YES1: variants seen among roughly 807,000 people sequenced by gnomAD.
The protein encoded by YES1 is tyrosine-protein kinase Yes.
A neutral mutation model predicts 70.4 loss-of-function variants in YES1; 39 were observed. The observed-to-expected ratio is 0.55, with a 90% CI of 0.43 to 0.72. YES1 has a LOEUF of 0.72. Ranked by LOEUF, YES1 falls within the 30% of genes least tolerant of loss-of-function variation. The probability of loss-of-function intolerance (pLI) is 0.00; values close to 1 mark genes in which losing one functional copy is unlikely to be tolerated. For missense variants in YES1, 495 were observed against 644.8 expected (o/e 0.77, Z 2.52); for synonymous variants, 198 against 218.6 (o/e 0.91, Z 0.83).
rs370733020 is a variant in YES1, at chr18:724,411, T to C, written c.*13A>G. On this transcript the variant is annotated 3_prime_UTR_variant, in exon 12 of 12. Coordinates refer to ENST00000314574, the MANE Select transcript of YES1 (RefSeq NM_005433.4). ...TTTTGGCAGATTTGTGCATATAAAA[T>C]AGGCTACTTGAATTATAAATTTTCT... 6.2e-6 allele frequency: 10 copies of C among 1,610,596 alleles called. No individual in the cohort carries two copies. In the South Asian group the frequency reaches 1.1e-4, roughly 18 times the overall value.
intron 1 of YES1, among the ~76,000 whole-genome samples, chr18:785,501 A>G (rs1424052007): frequency 1.3e-5 from 2 of 152,156 alleles, no homozygotes; most frequent in Non-Finnish European, 2.9e-5. Context: ...GCACTATAAA[A>G]GGTCTGAATT....
chr18:765,132 G>A (rs939362131), intron 1 of YES1, among the ~76,000 whole-genome samples: 12 of 150,832 alleles, frequency 8.0e-5, no homozygotes, highest in African/African-American at 2.4e-4. Flanking sequence ...CTACATACAA[G>A]CATAAGACAG....
rs115670803 is a variant in YES1 at position 774,106 on chromosome 18, C to T, written c.-8-17271G>A. On this transcript the variant is annotated intron_variant, in intron 1 of 11. Transcript: ENST00000314574. ...TTGGCCTCCCAAAGTGCTGGGATTACGGGCTTAAGCCACGGCGCCTGGCCT... is the reference window on the plus strand; with the variant it reads ...TTGGCCTCCCAAAGTGCTGGGATTATGGGCTTAAGCCACGGCGCCTGGCCT... 7.9e-3 allele frequency among the ~76,000 whole-genome samples: 1,204 copies of T among 152,292 alleles called. 15 individuals are homozygous for T. Among genetic ancestry groups the T allele is most frequent in the African/African-American group, 0.028 (1,147 of 41,552 alleles).
intron 1 of YES1, among the ~76,000 whole-genome samples, chr18:792,577 G>A (rs1288399207): frequency 6.6e-6 from 1 of 151,460 alleles, no homozygotes; most frequent in Non-Finnish European, 1.5e-5. Context: ...GTGTGTGTGT[G>A]TGTGTGTGTA....
chr18:740,936 C>T (rs1353442510), intron 8 of YES1, among the ~76,000 whole-genome samples: 1 of 152,138 alleles, frequency 6.6e-6, no homozygotes, highest in African/African-American at 2.4e-5. Context: ...CTCACTCAGT[C>T]ACCCAGGCTG....
chr18:755,415 A>AT (rs1194374642), intron 2 of YES1, among the ~76,000 whole-genome samples: 2 of 151,546 alleles, frequency 1.3e-5, no homozygotes, highest in South Asian at 2.1e-4. Flanking sequence ...CACCTGGCTA[A>AT]TTTTTTTTGT....
intron 1 of YES1, among the ~76,000 whole-genome samples, chr18:802,829 T>C (rs192383882): frequency 6.6e-6 from 1 of 152,060 alleles, no homozygotes; most frequent in Admixed American, 6.6e-5. Context: ...ACACCTATAA[T>C]CCTAGCACTT....
chr18:726,364 G>A (rs1203430690), intron 11 of YES1, among the ~76,000 whole-genome samples: 1 of 151,970 alleles, frequency 6.6e-6, no homozygotes, highest in Non-Finnish European at 1.5e-5. Context: ...GGTGGAGGTT[G>A]CAGTGAGCTG....
chr18:777,725 C>G (rs1905452150), intron 1 of YES1, among the ~76,000 whole-genome samples: 2 of 150,940 alleles, frequency 1.3e-5, no homozygotes, highest in African/African-American at 2.4e-5. Context: ...GAGCATTGCT[C>G]TAACCCAGGA....
chr18:765,025 C>G (rs773774276), intron 1 of YES1, among the ~76,000 whole-genome samples: 2 of 151,732 alleles, frequency 1.3e-5, no homozygotes, highest in Non-Finnish European at 2.9e-5. Context: ...TGAGCCACCT[C>G]GCCCGGCTTA....
intron 1 of YES1, among the ~76,000 whole-genome samples, chr18:784,344 A>G (rs1598933573): frequency 6.6e-6 from 1 of 152,232 alleles, no homozygotes; most frequent in Non-Finnish European, 1.5e-5. Context: ...TCTGTTTTAC[A>G]GATGAGGAAA....
chr18:733,080 T>C lies in YES1; in HGVS notation c.1292-115A>G, dbSNP rs183552542. 7.6e-4 allele frequency: 735 copies of C among 964,198 alleles called. 1 individual carries two copies. The highest frequency in any genetic ancestry group is 1.2e-3 in the South Asian group (74 of 61,954). 59.7% of individuals were successfully genotyped at this position (964,198 alleles called of 1,614,324 possible). On this transcript the variant is annotated intron_variant, in intron 10 of 11. Coordinates refer to ENST00000314574, the MANE Select transcript of YES1 (RefSeq NM_005433.4). ...TCTCTACTGTAGTCATCAGTGTCAA[T>C]TCTTTAAATGTACAAGATACATGGG...
At chr18:751,914 T>C in intron 2 of YES1, 110 bp from the exon 3 acceptor site, 2 of 717,104 alleles carry the variant, frequency 2.8e-6, no homozygotes, top group Non-Finnish European at 4.8e-6. Context: ...GTTTTTTCTG[T>C]AGTCTCCAGA....
rs1568179090 is a variant in YES1, at chr18:723,058, C to CTCCA, written c.*1362_*1365dup. The CTCCA allele has an allele frequency of 6.6e-6, 1 of 152,150 alleles. No individual in the cohort carries two copies. The highest frequency in any genetic ancestry group is 1.5e-5 in the Non-Finnish European group (1 of 68,036). The allele number at this position is 152,150 out of a possible 1,614,324, so 9.4% of individuals were successfully genotyped here. A position where few individuals can be genotyped will look rare whatever the true frequency, so the allele number is the denominator to read the frequency against. On this transcript the variant is annotated 3_prime_UTR_variant, in exon 12 of 12. Transcript: ENST00000314574. ...AGTGAGCCGAGATCGCGCCACTGCA[C>CTCCA]TCCAGCCTGGGCGACAGAGCGAGAC...
At chr18:729,488 C>T (rs2080061774) in intron 11 of YES1, among the ~76,000 whole-genome samples, 1 of 151,534 alleles carries the variant, frequency 6.6e-6, no homozygotes, top group Non-Finnish European at 1.5e-5. Flanking sequence ...CAATTCTGCT[C>T]AAATTCTCCA....
intron 1 of YES1, among the ~76,000 whole-genome samples, chr18:782,978 G>A (rs910320782): frequency 9.9e-5 from 15 of 152,148 alleles, no homozygotes; most frequent in African/African-American, 2.7e-4. Flanking sequence ...CATCACGCTC[G>A]GCTAACTTTC....
intron 1 of YES1, among the ~76,000 whole-genome samples, chr18:758,541 T>TA (rs1240028984): frequency 6.6e-6 from 1 of 152,200 alleles, no homozygotes; most frequent in Admixed American, 6.5e-5. Flanking sequence ...CTTCTAAAAT[T>TA]GTCTCTGTTC....
intron 10 of YES1, 196 bp downstream of exon 10, chr18:736,612 C>G: frequency 1.7e-6 from 1 of 596,216 alleles, no homozygotes; most frequent in South Asian, 3.0e-5. Flanking sequence ...GCAAAGGATA[C>G]CTAGTCAAGT....
chr18:743,508 C>A, intron 6 of YES1, 93 bp from the exon 7 acceptor site: 4 of 1,086,920 alleles, frequency 3.7e-6, no homozygotes, highest in Non-Finnish European at 3.7e-6. Flanking sequence ...TGTAGAAAAA[C>A]AAAAACAGAA....
Sources: allele counts gnomAD v4.1 joint callset (sites outside exome capture counted in the v4.1 genomes callset), GRCh38; gene constraint gnomAD v4.1.1; transcripts MANE v1.5; gene names NCBI Gene and HGNC (gene_info 2026-07-23, HGNC 2026-07-21).